SCGB3A2: variants seen among roughly 807,000 people sequenced by gnomAD.
The protein encoded by SCGB3A2 is secretoglobin family 3A member 2, also known as pneumo secretory protein 1.
SCGB3A2 carries 5 observed loss-of-function variants against 7.7 expected under a neutral mutation model. The ratio of observed to expected loss-of-function variants is 0.65; its 90% CI spans 0.34 to 1.36. The LOEUF is 1.36. Among genes scored for constraint, SCGB3A2 ranks in the 40% most tolerant of loss-of-function variants. The pLI, the probability that SCGB3A2 is intolerant of heterozygous loss-of-function variation, is 0.04. For missense variants in SCGB3A2, 109 were observed against 103.6 expected (o/e 1.05, Z -0.23); for synonymous variants, 44 against 42.7 (o/e 1.03, Z -0.12).
At chr5:147,881,062 A>C (rs1757340330) in intron 1 of SCGB3A2, 1 of 198,796 alleles carries the variant, frequency 5.0e-6, no homozygotes, top group African/African-American at 2.4e-5. Flanking sequence ...TAGCGAAAAA[A>C]CACACATTCC....
At chr5:147,881,888 G>A (rs997212137) in intron 2 of SCGB3A2, 139 bp from the exon 3 acceptor site, 200 of 919,200 alleles carry the variant, frequency 2.2e-4, no homozygotes, top group Non-Finnish European at 3.1e-4. Flanking sequence ...CGTGATTTTG[G>A]ATGAGACGTA....
chr5:147,878,853 AC>A lies in SCGB3A2; in HGVS notation c.51del (p.Ser18LeufsTer32), dbSNP rs777530393. The A allele has an allele frequency of 6.2e-7, 1 of 1,607,368 alleles. No individual in the cohort carries two copies. Among genetic ancestry groups the A allele is most frequent in the South Asian group, 1.1e-5 (1 of 90,884 alleles). On this transcript the variant is annotated frameshift_variant, in exon 1 of 3. Coordinates refer to ENST00000296694, the MANE Select transcript of SCGB3A2 (RefSeq NM_054023.5). LOFTEE classifies it high-confidence loss of function. ...FLLVTISLCSYSATAFLINKV... is the reference protein window; with the variant it reads ...FLLVTISLCSXSATAFLINKV... ...CTGGTGACCATCAGCCTTTGTAGTT[AC>A]TCTGGTAAGTAACTGGAATACATCT...
intron 1 of SCGB3A2, 110 bp downstream of exon 1, chr5:147,878,968 T>A: frequency 1.3e-6 from 1 of 742,392 alleles, no homozygotes; most frequent in South Asian, 1.7e-5. Context: ...GTGGTAGGAA[T>A]TGTATTTTTT....
chr5:147,881,909 G>A, intron 2 of SCGB3A2, 118 bp from the exon 3 acceptor site: 1 of 1,116,602 alleles, frequency 9.0e-7, no homozygotes. Context: ...ATCACTCTGA[G>A]TTTTTGTTTC....
chr5:147,878,764 C>G lies in SCGB3A2; in HGVS notation c.-40C>G. Reference sequence around the variant, plus strand: ...GCTTGGTGGATTTTGCTAGATTTTTCTGATTTTTAAACTCCTGAAAAATAT... The same window carrying G: ...GCTTGGTGGATTTTGCTAGATTTTTGTGATTTTTAAACTCCTGAAAAATAT... On this transcript the variant is annotated 5_prime_UTR_variant, in exon 1 of 3. Transcript: ENST00000296694. 2 of 1,562,906 alleles carry G rather than the reference C, an allele frequency of 1.3e-6. No homozygotes were observed. Among genetic ancestry groups the G allele is most frequent in the Non-Finnish European group, 1.8e-6 (2 of 1,133,808 alleles).
chr5:147,882,168 A>C lies in SCGB3A2; in HGVS notation c.*118A>C. 1.0e-6 allele frequency: 1 copy of C among 1,003,184 alleles called. No individual in the cohort carries two copies. Among genetic ancestry groups the C allele is most frequent in the East Asian group, 2.4e-5 (1 of 41,718 alleles). 62.1% of individuals were successfully genotyped at this position (1,003,184 alleles called of 1,614,324 possible). A position where few individuals can be genotyped will look rare whatever the true frequency, so the allele number is the denominator to read the frequency against. On this transcript the variant is annotated 3_prime_UTR_variant, in exon 3 of 3. Transcript: ENST00000296694. ...CCCTAAAATGTAGTGACCCGTGAAA[A>C]GGACAAATAAAGCAATGAATACATT...
At position 147,881,961 on chromosome 5, in the gene SCGB3A2, A is replaced by G. The variant is rs1757355632; in HGVS notation, c.259-66A>G. ...TGGCCAAACAGGACACTGGAAGTGA[A>G]TATGTTTTGAAACATGCGAATTACA... On this transcript the variant is annotated intron_variant, in intron 2 of 2. Coordinates refer to ENST00000296694, the MANE Select transcript of SCGB3A2 (RefSeq NM_054023.5). 15 of 1,545,750 alleles carry G rather than the reference A, an allele frequency of 9.7e-6. No homozygotes were observed. The South Asian group carries it at 1.7e-4, about 17-fold the overall frequency.
intron 1 of SCGB3A2, among the ~76,000 whole-genome samples, chr5:147,880,005 A>T (rs1298346325): frequency 1.3e-5 from 2 of 152,060 alleles, no homozygotes; most frequent in Non-Finnish European, 2.9e-5. Flanking sequence ...TCTGGGTGAG[A>T]ATTTTGGAGG....
At chr5:147,881,366 G>T in intron 1 of SCGB3A2, 80 bp from the exon 2 acceptor site, 2 of 1,104,388 alleles carry the variant, frequency 1.8e-6, no homozygotes, top group Non-Finnish European at 2.7e-6. Flanking sequence ...TGGAGCTATT[G>T]ATGGACACAG....
intron 1 of SCGB3A2, 97 bp from the exon 2 acceptor site, chr5:147,881,349 T>A: frequency 2.1e-6 from 2 of 931,266 alleles, no homozygotes; most frequent in East Asian, 4.8e-5. Context: ...GATGAGTGGA[T>A]CTGGAATGGA....
At chr5:147,881,896 G>C in intron 2 of SCGB3A2, 131 bp from the exon 3 acceptor site, 1 of 971,730 alleles carries the variant, frequency 1.0e-6, no homozygotes, top group Non-Finnish European at 1.6e-6. Context: ...TGGATGAGAC[G>C]TAATCACTCT....
In SCGB3A2 at chr5:147,882,136, T is replaced by C; in HGVS notation, c.*86T>C. 7.6e-7 allele frequency: 1 copy of C among 1,321,418 alleles called. No homozygotes were observed. The highest frequency in any genetic ancestry group is 1.1e-6 in the Non-Finnish European group (1 of 915,182). The allele number at this position is 1,321,418 out of a possible 1,614,324, so 81.9% of individuals were successfully genotyped here. On this transcript the variant is annotated 3_prime_UTR_variant, in exon 3 of 3. Transcript: ENST00000296694. ...TGAAACCTGTTCTACCAATTATAGA[T>C]CAAATGCCCTAAAATGTAGTGACCC...
intron 1 of SCGB3A2, among the ~76,000 whole-genome samples, chr5:147,880,164 C>T (rs75749535): frequency 1.3e-5 from 2 of 152,128 alleles, no homozygotes; most frequent in Non-Finnish European, 2.9e-5. Flanking sequence ...TGCTCACATG[C>T]ATGTGTGCAT....
chr5:147,881,181 G>A (rs186588392), intron 1 of SCGB3A2: 1 of 410,960 alleles, frequency 2.4e-6, no homozygotes, highest in East Asian at 3.9e-5. Flanking sequence ...GACGGAGAGT[G>A]ACTATGGCCA....
At chr5:147,878,944 G>A (rs1301301839) in intron 1 of SCGB3A2, 86 bp downstream of exon 1, 3 of 893,506 alleles carry the variant, frequency 3.4e-6, no homozygotes, top group African/African-American at 3.3e-5. Flanking sequence ...TTGCCTCACT[G>A]ACAGTGGAAT....
At chr5:147,881,687 G>T (rs1231512321) in intron 2 of SCGB3A2, 39 bp downstream of exon 2, 1 of 1,509,236 alleles carries the variant, frequency 6.6e-7, no homozygotes, top group Non-Finnish European at 9.2e-7. Flanking sequence ...CAAAGGGGAG[G>T]CATACTCACC....
rs556241547 is a variant in SCGB3A2, at chr5:147,881,481, G to A, written c.91G>A (p.Val31Ile). ...AFLINKVPLP[V>I]DKLAPLPLDN... Reference sequence around the variant, plus strand: ...CCTCATCAACAAAGTGCCCCTTCCTGTTGACAAGTTGGCACCTTTACCTCT... The same window carrying A: ...CCTCATCAACAAAGTGCCCCTTCCTATTGACAAGTTGGCACCTTTACCTCT... The change falls in exon 2 of 3, where the codon GTT becomes ATT. Residue 31 changes from valine to isoleucine, a missense_variant. Val to Ile is a conservative substitution (Grantham distance 29). Coordinates refer to ENST00000296694, the MANE Select transcript of SCGB3A2 (RefSeq NM_054023.5). 8 of 1,614,000 alleles carry A rather than the reference G, an allele frequency of 5.0e-6. No homozygotes were observed. In the South Asian group the frequency reaches 6.6e-5, roughly 13 times the overall value.
chr5:147,879,989 G>A (rs929368081), intron 1 of SCGB3A2, among the ~76,000 whole-genome samples: 2 of 152,014 alleles, frequency 1.3e-5, no homozygotes, highest in Non-Finnish European at 2.9e-5. Context: ...AATAAATACC[G>A]CCCCCTCTGG....
intron 1 of SCGB3A2, chr5:147,881,125 C>T: frequency 3.6e-6 from 1 of 281,648 alleles, no homozygotes; most frequent in Non-Finnish European, 6.7e-6. Flanking sequence ...ATAAAAACAG[C>T]AAATGAAGAG....
Sources: gnomAD v4.1 joint callset for allele counts (sites outside exome capture counted in the v4.1 genomes callset) on GRCh38, gnomAD v4.1.1 for gene constraint, MANE v1.5 for transcripts, NCBI Gene and HGNC (gene_info 2026-07-23, HGNC 2026-07-21) for gene names.